The following CD74 variants were observed in gnomAD, a reference collection of about 807,000 sequenced individuals.
The protein encoded by CD74 is HLA class II histocompatibility antigen gamma chain.
In CD74, 20 loss-of-function variants were observed where a neutral mutation model predicts 37.1. That is an observed-to-expected ratio of 0.54 (90% confidence interval 0.38 to 0.78). The LOEUF (loss-of-function observed/expected upper bound fraction) is 0.78. CD74 is among the 30% of genes least tolerant of loss of function. CD74 has a pLI of 0.00. For synonymous variants in CD74, 150 were observed against 152.0 expected, an observed-to-expected ratio of 0.99 and a Z score of 0.10; for missense variants, 338 against 389.5, an observed-to-expected ratio of 0.87 and a Z score of 1.11.
intron 1 of CD74, among the ~76,000 whole-genome samples, chr5:150,409,704 CAAA>C (rs755621804): frequency 2.2e-5 from 2 of 89,526 alleles, no homozygotes; most frequent in East Asian, 4.1e-4. Context: ...AAAAACATAA[CAAA>C]AAAAAAAAAA....
In CD74 at chr5:150,412,630, C is replaced by T; in HGVS notation, c.120G>A (p.Pro40=). 4 of 1,612,432 alleles carry T rather than the reference C, an allele frequency of 2.5e-6. No individual in the cohort carries two copies. The highest frequency in any genetic ancestry group is 1.1e-5 in the South Asian group (1 of 91,068). Residue 40 remains proline, a synonymous_variant, in exon 1 of 9, where the codon CCG becomes CCA. Transcript: ENST00000009530. ...LPMLGRRPGA[P]ESKCSRGALY... The stretch of plus-strand genomic sequence containing the variant: ...TTCCTGGTGCTCACACATACCTCTC[C>T]GGGGCCCCAGGGCGCCGGCCCAGCA...
intron 3 of CD74, 23 bp from the exon 4 acceptor site, chr5:150,406,344 G>T (rs751760132): frequency 6.2e-7 from 1 of 1,605,418 alleles, no homozygotes; most frequent in Non-Finnish European, 8.5e-7. Flanking sequence ...GTAACAGAAG[G>T]TTACCAGAGC....
At chr5:150,408,293 G>A (rs1044639214) in intron 1 of CD74, among the ~76,000 whole-genome samples, 1 of 152,054 alleles carries the variant, frequency 6.6e-6, no homozygotes, top group African/African-American at 2.4e-5. Context: ...GTGGGCTGGG[G>A]GAGGCTTGGA....
In CD74 at chr5:150,402,390, G is replaced by A. The variant is rs2151166496; in HGVS notation, c.881-140C>T. The stretch of plus-strand genomic sequence containing the variant: ...GCTCAGGTCCAATAATGACCATCAT[G>A]GATTTGTGTAACTCCCCACAGCCCC... On this transcript the variant is annotated intron_variant, in intron 8 of 8. Transcript: ENST00000009530. The surrounding 1 kb of genome is among the most constrained non-coding windows in gnomAD (Gnocchi z 4.2). The A allele has an allele frequency of 8.0e-6, 7 of 880,018 alleles. No individual in the cohort carries two copies. The South Asian group carries it at 8.7e-5, about 11-fold the overall frequency. The allele number at this position is 880,018 out of a possible 1,614,324, so 54.5% of individuals were successfully genotyped here. A position where few individuals can be genotyped will look rare whatever the true frequency, so the allele number is the denominator to read the frequency against.
At position 150,403,132 on chromosome 5, in the gene CD74, T is replaced by C. The variant is rs1561550364; in HGVS notation, c.806A>G (p.His269Arg). 7 of 1,613,542 alleles carry C rather than the reference T, an allele frequency of 4.3e-6. No individual in the cohort carries two copies. Among genetic ancestry groups the C allele is most frequent in the South Asian group, 2.2e-5 (2 of 91,058 alleles). Residue 269 changes from histidine (H) to arginine (R), a missense_variant, in exon 7 of 9, where the codon CAT becomes CGT. Transcript: ENST00000009530. This position sits in a 1 kb window ranked among gnomAD's most constrained non-coding sequence, Gnocchi z 4.5. ...EVPNTRSRGH[H>R]NCSESLELED... Reference sequence around the variant, plus strand: ...GTGCCACTGCTTACCACTGCAGTTATGGTGCCCGCGGCTTCTGGTGTTGGG... The same window carrying C: ...GTGCCACTGCTTACCACTGCAGTTACGGTGCCCGCGGCTTCTGGTGTTGGG...
rs906105864 is a variant in CD74, at chr5:150,401,940, G to A, written c.*300C>T. The stretch of plus-strand genomic sequence containing the variant: ...CATCTCGTCCATGAGCCTAGGTCTT[G>A]GAGCCTTGTGTTGGAGGCTGCTGTG... On this transcript the variant is annotated 3_prime_UTR_variant, in exon 9 of 9. Coordinates refer to ENST00000009530, the MANE Select transcript of CD74 (RefSeq NM_001025159.3). 8.2e-6 allele frequency: 8 copies of A among 974,058 alleles called. No individual in the cohort carries two copies. The highest frequency in any genetic ancestry group is 6.4e-5 in the African/African-American group (4 of 62,578). 60.3% of individuals were successfully genotyped at this position (974,058 alleles called of 1,614,324 possible).
chr5:150,411,341 A>G (rs1454954577), intron 1 of CD74, among the ~76,000 whole-genome samples: 1 of 152,152 alleles, frequency 6.6e-6, no homozygotes, highest in Non-Finnish European at 1.5e-5. Context: ...ATTCCTCACA[A>G]AACAGTCTCC....
intron 4 of CD74, chr5:150,405,550 G>C (rs1769906582): frequency 2.4e-6 from 1 of 413,946 alleles, no homozygotes; most frequent in East Asian, 1.1e-4. Flanking sequence ...TCTTCACAAA[G>C]CCCCCTGCAC....
At position 150,407,262 on chromosome 5, in the gene CD74, C is replaced by A; in HGVS notation, c.188G>T (p.Gly63Val). 1.2e-6 allele frequency: 2 copies of A among 1,613,216 alleles called. No homozygotes were observed. The highest frequency in any genetic ancestry group is 1.7e-6 in the Non-Finnish European group (2 of 1,179,724). ...CAGGAAGTAGGCGGTGGTGGCCTGG[C>A]CAGCGAGGAGCAGAGTCACCAGGAT... The part of the protein sequence containing the change: ...FSILVTLLLA[G>V]QATTAYFLYQ... The change falls in exon 2 of 9, where the codon GGC becomes GTC. Residue 63 changes from glycine (G) to valine (V), a missense_variant. By Grantham distance (109) the Gly-to-Val change is moderately radical (BLOSUM62 -3). Transcript: ENST00000009530. The surrounding 1 kb of genome is among the most constrained non-coding windows in gnomAD (Gnocchi z 4.4).
rs2151169332 is a variant in CD74 at position 150,403,070 on chromosome 5, C to T, written c.817+51G>A. On this transcript the variant is annotated intron_variant, in intron 7 of 8. Coordinates refer to ENST00000009530, the MANE Select transcript of CD74 (RefSeq NM_001025159.3). This position sits in a 1 kb window ranked among gnomAD's most constrained non-coding sequence, Gnocchi z 4.5. ...TCAGAGGGGACCTCTTGCCCCTCAA[C>T]CTTCCTAGTCCTTCCTGGTCCTCTG... 6.6e-7 allele frequency: 1 copy of T among 1,521,506 alleles called. No homozygotes were observed. Among genetic ancestry groups the T allele is most frequent in the Non-Finnish European group, 9.0e-7 (1 of 1,116,728 alleles). The allele number at this position is 1,521,506 out of a possible 1,614,324, so 94.3% of individuals were successfully genotyped here.
chr5:150,411,509 T>A (rs1770339221), intron 1 of CD74, among the ~76,000 whole-genome samples: 1 of 152,234 alleles, frequency 6.6e-6, no homozygotes, highest in Non-Finnish European at 1.5e-5. Flanking sequence ...CACCTAGCTG[T>A]AAGTCCCTGT....
At chr5:150,405,443 C>T (rs1769901265) in intron 4 of CD74, 1 of 1,222,792 alleles carries the variant, frequency 8.2e-7, no homozygotes, top group South Asian at 3.4e-5. Flanking sequence ...CCAGTGTCCT[C>T]CCTGTGGATG....
chr5:150,406,677 C>T, intron 3 of CD74: 1 of 584,852 alleles, frequency 1.7e-6, no homozygotes. Flanking sequence ...GCTGAGCCTT[C>T]CTCCCAGGGA....
At position 150,412,684 on chromosome 5, in the gene CD74, G is replaced by T. The variant is rs1182241782; in HGVS notation, c.66C>A (p.Asp22Glu). ...DQKPVMDDQR[D>E]LISNNEQLPM... The stretch of plus-strand genomic sequence containing the variant: ...GCAGTTGCTCATTGTTGGAGATAAG[G>T]TCGCGCTGGTCATCCATGACTGGCT... The change falls in exon 1 of 9, where the codon GAC (aspartate) becomes GAA (glutamate). Residue 22 changes from aspartate to glutamate, a missense_variant. Physicochemically the swap from Asp to Glu is conservative, Grantham distance 45. Transcript: ENST00000009530. The T allele has an allele frequency of 1.9e-5, 31 of 1,614,098 alleles. No individual in the cohort carries two copies. The highest frequency in any genetic ancestry group is 2.6e-5 in the Non-Finnish European group (31 of 1,180,014).
Position 150,402,314 on chromosome 5 carries a change from C to G in CD74, c.881-64G>C, listed in dbSNP as rs1769680002. 2 of 1,235,000 alleles carry G rather than the reference C, an allele frequency of 1.6e-6. No individual in the cohort carries two copies. The highest frequency in any genetic ancestry group is 1.9e-4 in the Middle Eastern group (1 of 5,344). The allele number at this position is 1,235,000 out of a possible 1,614,324, so 76.5% of individuals were successfully genotyped here. A position where few individuals can be genotyped will look rare whatever the true frequency, so the allele number is the denominator to read the frequency against. On this transcript the variant is annotated intron_variant, in intron 8 of 8. Transcript: ENST00000009530. The surrounding 1 kb of genome is among the most constrained non-coding windows in gnomAD (Gnocchi z 4.2). ...ATTTGTTGTCCCTGCCCCTTTCTAA[C>G]ATCCTGGACCTGCAGAGCAGTTAAG... is the stretch of plus-strand genomic sequence containing the variant.
intron 1 of CD74, among the ~76,000 whole-genome samples, chr5:150,412,110 G>A (rs1770374066): frequency 6.6e-6 from 1 of 152,168 alleles, no homozygotes; most frequent in African/African-American, 2.4e-5. Flanking sequence ...GATTACAGGT[G>A]TACACCACCA....
At chr5:150,404,586 G>A in intron 6 of CD74, 94 bp downstream of exon 6, 2 of 698,042 alleles carry the variant, frequency 2.9e-6, no homozygotes, top group South Asian at 1.6e-5. Flanking sequence ...GCGGTGCTGG[G>A]ACCAGGGAGT....
Position 150,402,707 on chromosome 5 carries a change from T to A in CD74, c.818-82A>T, listed in dbSNP as rs2151167844. 1 of 1,198,438 alleles carries A rather than the reference T, an allele frequency of 8.3e-7. No homozygotes were observed. Among genetic ancestry groups the A allele is most frequent in the Non-Finnish European group, 1.2e-6 (1 of 833,566 alleles). 74.2% of individuals were successfully genotyped at this position (1,198,438 alleles called of 1,614,324 possible). A position where few individuals can be genotyped will look rare whatever the true frequency, so the allele number is the denominator to read the frequency against. On this transcript the variant is annotated intron_variant, in intron 7 of 8. Transcript: ENST00000009530. This position sits in a 1 kb window ranked among gnomAD's most constrained non-coding sequence, Gnocchi z 4.2. ...ATGCCTGAGGGCAGTGCTTCCCACC[T>A]AGCCACAGGCTTAGTGCCTGGGAAA...
rs745950543 is a variant in CD74, at chr5:150,412,785, C to T, written c.-36G>A. The T allele has an allele frequency of 6.2e-7, 1 of 1,612,446 alleles. No individual in the cohort carries two copies. Among genetic ancestry groups the T allele is most frequent in the Non-Finnish European group, 8.5e-7 (1 of 1,179,564 alleles). ...GACCCCCCGGCTCGCCTCTTAAAGT[C>T]GGTGCTGGAGAGGAATCTGATTCGT... On this transcript the variant is annotated 5_prime_UTR_variant, in exon 1 of 9. Coordinates refer to ENST00000009530, the MANE Select transcript of CD74 (RefSeq NM_001025159.3).
Sources: allele counts gnomAD v4.1 joint callset (sites outside exome capture counted in the v4.1 genomes callset), GRCh38; gene constraint gnomAD v4.1.1; non-coding constraint Gnocchi (gnomAD v3.1); transcripts MANE v1.5; gene names NCBI Gene and HGNC (gene_info 2026-07-23, HGNC 2026-07-21).